The following PSD3 variants were observed in gnomAD, a reference collection of about 807,000 sequenced individuals.
PSD3 encodes the protein pleckstrin and Sec7 domain containing 3.
Under a neutral mutation model 105.5 loss-of-function variants are expected in PSD3, and 49 were observed. The observed-to-expected ratio is 0.46, with a 90% confidence interval of 0.37 to 0.59. The LOEUF is 0.59. PSD3 is among the 20% of genes least tolerant of loss of function. PSD3 has a pLI of 0.00. For missense variants in PSD3, 1,561 were observed against 1,263.8 expected, an observed-to-expected ratio of 1.24 and a Z score of -3.57; for synonymous variants, 557 against 457.8, an observed-to-expected ratio of 1.22 and a Z score of -2.77.
chr8:18,843,332 C>CAAAA (rs371463032), intron 4 of PSD3, among the ~76,000 whole-genome samples: 1 of 118,612 alleles, frequency 8.4e-6, no homozygotes, highest in African/African-American at 3.2e-5. Context: ...GACTCCGTCT[C>CAAAA]AAAAAAAAAA....
intron 2 of PSD3, among the ~76,000 whole-genome samples, chr8:18,880,728 T>C (rs1005003383): frequency 6.6e-6 from 1 of 152,204 alleles, no homozygotes; most frequent in African/African-American, 2.4e-5. Flanking sequence ...AGTCTACATC[T>C]ATTACTAATG....
At chr8:18,802,384 C>G in intron 6 of PSD3, 1 of 421,472 alleles carries the variant, frequency 2.4e-6, no homozygotes, top group Non-Finnish European at 4.8e-6. Flanking sequence ...AAAAAAAAAT[C>G]ATTCAAAATG....
intron 15 of PSD3, among the ~76,000 whole-genome samples, chr8:18,546,185 A>C (rs909751353): frequency 1.3e-5 from 2 of 152,090 alleles, no homozygotes; most frequent in Non-Finnish European, 2.9e-5. Flanking sequence ...TTAGTAGAGA[A>C]GGTATTTTGC....
At chr8:18,908,059 GA>G (rs1207634880) in intron 2 of PSD3, among the ~76,000 whole-genome samples, 11 of 152,160 alleles carry the variant, frequency 7.2e-5, no homozygotes, top group African/African-American at 2.7e-4. Context: ...GATGAATGCA[GA>G]ATTGATAACA....
intron 15 of PSD3, among the ~76,000 whole-genome samples, chr8:18,543,245 A>T (rs1328227316): frequency 6.6e-6 from 1 of 151,720 alleles, no homozygotes; most frequent in Non-Finnish European, 1.5e-5. Context: ...TTCTTTCTTC[A>T]GTGTGTAACC....
intron 2 of PSD3, among the ~76,000 whole-genome samples, chr8:18,872,991 C>T (rs927748277): frequency 1.3e-5 from 2 of 152,180 alleles, no homozygotes; most frequent in Non-Finnish European, 2.9e-5. Flanking sequence ...TTTAACTTTG[C>T]TTCTGATGTC....
intron 12 of PSD3, among the ~76,000 whole-genome samples, chr8:18,594,139 T>TAC (rs1563358137): frequency 0.04 from 1,225 of 30,972 alleles, 275 homozygotes; most frequent in South Asian, 0.1. Context: ...ATATTATATA[T>TAC]ATATTATATA....
chr8:18,558,413 T>G (rs2130169443), intron 14 of PSD3, among the ~76,000 whole-genome samples: 1 of 152,194 alleles, frequency 6.6e-6, no homozygotes, highest in East Asian at 1.9e-4. Flanking sequence ...CCCATGAATC[T>G]AACATAGGAA....
At chr8:19,012,713 A>T (rs1179246268) in intron 1 of PSD3, among the ~76,000 whole-genome samples, 5 of 152,172 alleles carry the variant, frequency 3.3e-5, no homozygotes, top group Non-Finnish European at 7.3e-5. Flanking sequence ...ATACTCAATT[A>T]CAACGAACGC....
At chr8:18,784,401 C>T (rs1808927923) in intron 8 of PSD3, among the ~76,000 whole-genome samples, 1 of 152,172 alleles carries the variant, frequency 6.6e-6, no homozygotes, top group South Asian at 2.1e-4. Context: ...GGGGTTTCTC[C>T]ACATTCACAA....
At chr8:18,670,543 G>C (rs1799727627) in intron 9 of PSD3, among the ~76,000 whole-genome samples, 1 of 152,042 alleles carries the variant, frequency 6.6e-6, no homozygotes, top group Non-Finnish European at 1.5e-5. Context: ...GATTAGGGAC[G>C]GATCAGGCTG....
At chr8:18,982,512 A>G (rs1586574096) in intron 1 of PSD3, among the ~76,000 whole-genome samples, 1 of 152,218 alleles carries the variant, frequency 6.6e-6, no homozygotes, top group East Asian at 1.9e-4. Flanking sequence ...TATCTATAGC[A>G]GCTACAGACT....
chr8:18,555,591 T>G (rs556698960), intron 15 of PSD3, among the ~76,000 whole-genome samples: 1 of 152,168 alleles, frequency 6.6e-6, no homozygotes, highest in African/African-American at 2.4e-5. Context: ...AACTGAGCCA[T>G]GGAAATATTT....
chr8:18,939,985 A>T (rs1822422000), intron 1 of PSD3: 1 of 152,182 alleles, frequency 6.6e-6, no homozygotes, highest in Non-Finnish European at 1.5e-5. Context: ...GTGTGTGCTG[A>T]GTCATGATTA....
At chr8:18,802,408 A>G (rs1407353691) in intron 6 of PSD3, 1 of 415,672 alleles carries the variant, frequency 2.4e-6, no homozygotes, top group Non-Finnish European at 4.9e-6. Flanking sequence ...AAGAAATCTT[A>G]CTATGGTAAA....
chr8:19,043,479 C>T (rs558827718), intron 1 of PSD3, among the ~76,000 whole-genome samples: 59 of 152,252 alleles, frequency 3.9e-4, no homozygotes, highest in Admixed American at 2.9e-3. Flanking sequence ...CAATCTATTG[C>T]TTTTGCAGGT....
intron 9 of PSD3, among the ~76,000 whole-genome samples, chr8:18,727,556 A>ACACC (rs2129429772): frequency 8.2e-6 from 1 of 122,472 alleles, no homozygotes; most frequent in East Asian, 3.5e-4. Context: ...ATCCAAACAC[A>ACACC]CACACACACA....
chr8:18,658,524 CTT>C (rs35569508), intron 9 of PSD3, among the ~76,000 whole-genome samples: 2,120 of 138,062 alleles, frequency 0.015, 47 homozygotes, highest in East Asian at 0.055. Context: ...CTATATAATT[CTT>C]TTTTTTTTTT....
chr8:18,975,258 A>G (rs1824868972), intron 1 of PSD3, among the ~76,000 whole-genome samples: 2 of 152,194 alleles, frequency 1.3e-5, no homozygotes, highest in South Asian at 4.1e-4. Flanking sequence ...AATAAAAATA[A>G]AAGAACACCA....
Sources: gnomAD v4.1 joint callset for allele counts (sites outside exome capture counted in the v4.1 genomes callset) on GRCh38, gnomAD v4.1.1 for gene constraint, MANE v1.5 for transcripts, NCBI Gene and HGNC (gene_info 2026-07-23, HGNC 2026-07-21) for gene names.